PLBD1: variants seen among roughly 807,000 people sequenced by gnomAD.
PLBD1 encodes phospholipase B domain containing 1, also known as lysosomal leucine aminopeptidase.
Under a neutral mutation model 63.0 loss-of-function variants are expected in PLBD1, and 60 were observed. The ratio of observed to expected loss-of-function variants is 0.95; its 90% CI spans 0.77 to 1.18. The LOEUF (loss-of-function observed/expected upper bound fraction) is 1.18, where lower values mean the gene tolerates loss of function less well. Among genes scored for constraint, PLBD1 ranks in the 50% most tolerant of loss-of-function variants. The pLI is 0.00. For synonymous variants in PLBD1, 262 were observed against 248.0 expected, an observed-to-expected ratio of 1.06 and a Z score of -0.53; for missense variants, 598 against 677.9, an observed-to-expected ratio of 0.88 and a Z score of 1.31.
chr12:14,523,595 T>C (rs1945394123), intron 6 of PLBD1, among the ~76,000 whole-genome samples: 1 of 152,118 alleles, frequency 6.6e-6, no homozygotes, highest in Non-Finnish European at 1.5e-5. Context: ...AAAGTTATAA[T>C]AACCAAAACA....
intron 2 of PLBD1, among the ~76,000 whole-genome samples, chr12:14,544,861 A>C (rs989938758): frequency 2.0e-5 from 3 of 152,198 alleles, no homozygotes; most frequent in Non-Finnish European, 2.9e-5. Flanking sequence ...TTATAACTTA[A>C]AGCACCCTAT....
At chr12:14,554,125 T>G (rs1471037492) in intron 1 of PLBD1, 1 of 152,706 alleles carries the variant, frequency 6.5e-6, no homozygotes, top group East Asian at 1.9e-4. Flanking sequence ...TGACATTAGA[T>G]TCTTTGCAGA....
intron 8 of PLBD1, among the ~76,000 whole-genome samples, chr12:14,510,423 A>G (rs970474348): frequency 1.3e-5 from 2 of 152,176 alleles, no homozygotes; most frequent in African/African-American, 4.8e-5. Context: ...ATTAAAAACC[A>G]CTAAAAGTTT....
At chr12:14,524,880 C>A (rs1315749887) in intron 6 of PLBD1, among the ~76,000 whole-genome samples, 1 of 152,164 alleles carries the variant, frequency 6.6e-6, no homozygotes, top group African/African-American at 2.4e-5. Context: ...AATTGAAATT[C>A]TAGATCTGAA....
chr12:14,557,951 T>G (rs1437450921), intron 1 of PLBD1, among the ~76,000 whole-genome samples: 1 of 151,160 alleles, frequency 6.6e-6, no homozygotes, highest in Non-Finnish European at 1.5e-5. Flanking sequence ...TGCAGCATTA[T>G]TCACAATAGC....
At chr12:14,539,147 TAC>T (rs1176625761) in intron 4 of PLBD1, among the ~76,000 whole-genome samples, 3 of 152,246 alleles carry the variant, frequency 2.0e-5, no homozygotes, top group African/African-American at 7.2e-5. Context: ...TCTTTTGTTA[TAC>T]TGTATAATAC....
At chr12:14,551,244 T>G (rs1363196738) in intron 2 of PLBD1, among the ~76,000 whole-genome samples, 2 of 150,638 alleles carry the variant, frequency 1.3e-5, no homozygotes, top group Non-Finnish European at 3.0e-5. Flanking sequence ...GTACCTGTAG[T>G]CCCAGCTACT....
chr12:14,553,637 G>T, intron 1 of PLBD1: 1 of 578,594 alleles, frequency 1.7e-6, no homozygotes, highest in Non-Finnish European at 3.1e-6. Context: ...CAAAGGTGGG[G>T]GTGTAGCTAC....
intron 3 of PLBD1, 105 bp downstream of exon 3, chr12:14,542,103 G>T: frequency 2.3e-6 from 2 of 881,204 alleles, no homozygotes; most frequent in Non-Finnish European, 3.7e-6. Context: ...CTAGAGTCCT[G>T]CTAAAGAGAT....
chr12:14,526,617 T>C (rs1945416973), intron 6 of PLBD1, among the ~76,000 whole-genome samples: 1 of 152,188 alleles, frequency 6.6e-6, no homozygotes, highest in Non-Finnish European at 1.5e-5. Flanking sequence ...CGACTTTTGC[T>C]TCATAGCTTC....
intron 6 of PLBD1, among the ~76,000 whole-genome samples, chr12:14,533,407 T>C (rs1945482922): frequency 6.6e-6 from 1 of 152,246 alleles, no homozygotes; most frequent in Non-Finnish European, 1.5e-5. Context: ...CAAAAAGCTC[T>C]ACATATTATC....
chr12:14,567,808 T>TG lies in PLBD1; in HGVS notation c.-113dup. The TG allele has an allele frequency of 7.7e-7, 1 of 1,306,046 alleles. No individual in the cohort carries two copies. Among genetic ancestry groups the TG allele is most frequent in the Non-Finnish European group, 9.8e-7 (1 of 1,019,004 alleles). The allele number at this position is 1,306,046 out of a possible 1,614,324, so 80.9% of individuals were successfully genotyped here. A position where few individuals can be genotyped will look rare whatever the true frequency, so the allele number is the denominator to read the frequency against. Reference sequence around the variant, plus strand: ...ACTCAGGGGCGCCGCCTCTCCGAGGTGGGGCGTCCTCAACTTTCCTCTTTC... The same window carrying TG: ...ACTCAGGGGCGCCGCCTCTCCGAGGTGGGGGCGTCCTCAACTTTCCTCTTTC... On this transcript the variant is annotated 5_prime_UTR_variant, in exon 1 of 11. Coordinates refer to ENST00000240617, the MANE Select transcript of PLBD1 (RefSeq NM_024829.6).
chr12:14,526,439 G>A (rs1945416097), intron 6 of PLBD1, among the ~76,000 whole-genome samples: 1 of 152,120 alleles, frequency 6.6e-6, no homozygotes, highest in Non-Finnish European at 1.5e-5. Context: ...ATGATGGCCA[G>A]TTCCTTTTAG....
intron 6 of PLBD1, among the ~76,000 whole-genome samples, chr12:14,520,593 C>G (rs1249722420): frequency 6.6e-6 from 1 of 152,040 alleles, no homozygotes; most frequent in Non-Finnish European, 1.5e-5. Flanking sequence ...ACTAGAGTAT[C>G]CAAAGGAGAA....
intron 6 of PLBD1, chr12:14,533,192 G>A (rs1945480091): frequency 6.6e-6 from 1 of 152,220 alleles, no homozygotes; most frequent in Non-Finnish European, 1.5e-5. Context: ...TCTATGTCAT[G>A]TCTACTGGAT....
intron 1 of PLBD1, among the ~76,000 whole-genome samples, chr12:14,564,791 T>C (rs1945767794): frequency 6.6e-6 from 1 of 152,166 alleles, no homozygotes; most frequent in South Asian, 2.1e-4. Context: ...TACCATATTA[T>C]GAGTCTCTCA....
In PLBD1 at chr12:14,536,606, C is replaced by A; in HGVS notation, c.663G>T (p.Lys221Asn). 6.2e-7 allele frequency: 1 copy of A among 1,614,184 alleles called. No individual in the cohort carries two copies. The highest frequency in any genetic ancestry group is 8.5e-7 in the Non-Finnish European group (1 of 1,180,028). The change falls in exon 5 of 11, where the codon AAG (lysine) becomes AAT (asparagine). Residue 221 changes from lysine (K) to asparagine (N), a missense_variant. Lys to Asn is a moderately conservative substitution (Grantham distance 94). Transcript: ENST00000240617. ...CGGAGCAATGTCCCATGTCCCATCT[C>A]TTAAAAACCTTTAGGCTGCCGTTTT... ...PTKNGSLKVFKRWDMGHCSAL... is the reference protein window; with the variant it reads ...PTKNGSLKVFNRWDMGHCSAL...
Position 14,536,510 on chromosome 12 carries a change from C to T in PLBD1, c.699+60G>A, listed in dbSNP as rs140280193. 2,761 of 1,572,262 alleles carry T rather than the reference C, an allele frequency of 1.8e-3. 4 individuals carry two copies. The highest frequency in any genetic ancestry group is 2.1e-3 in the Non-Finnish European group (2,385 of 1,150,704). On this transcript the variant is annotated intron_variant, in intron 5 of 10. Coordinates refer to ENST00000240617, the MANE Select transcript of PLBD1 (RefSeq NM_024829.6). Reference sequence around the variant, plus strand: ...GTGATGAGATGTTGCTATACTTGGGCGCTATATAGAAAAAGTCTGTATGAA... The same window carrying T: ...GTGATGAGATGTTGCTATACTTGGGTGCTATATAGAAAAAGTCTGTATGAA...
Position 14,504,044 on chromosome 12 carries a change from G to A in PLBD1, c.1480-90C>T, listed in dbSNP as rs1945228243. 4.0e-6 allele frequency: 5 copies of A among 1,249,840 alleles called. No individual in the cohort carries two copies. The South Asian group carries it at 7.1e-5, about 18-fold the overall frequency. 77.4% of individuals were successfully genotyped at this position (1,249,840 alleles called of 1,614,324 possible). ...CCTTCCCCACTCTCCCACTACCAAA[G>A]TCACAATATTAGCTTTTTTTTTGAG... is the stretch of plus-strand genomic sequence containing the variant. On this transcript the variant is annotated intron_variant, in intron 10 of 10. Coordinates refer to ENST00000240617, the MANE Select transcript of PLBD1 (RefSeq NM_024829.6).
Sources: allele counts gnomAD v4.1 joint callset (sites outside exome capture counted in the v4.1 genomes callset), GRCh38; gene constraint gnomAD v4.1.1; transcripts MANE v1.5; gene names NCBI Gene and HGNC (gene_info 2026-07-23, HGNC 2026-07-21).